The following VPS8 variants were observed in gnomAD, a reference collection of about 807,000 sequenced individuals.
The protein encoded by VPS8 is vacuolar protein sorting-associated protein 8 homolog.
In VPS8, 129 loss-of-function variants were observed where a neutral mutation model predicts 216.4. That is an observed-to-expected ratio of 0.60 (90% CI 0.52 to 0.69). The LOEUF (loss-of-function observed/expected upper bound fraction) is 0.69, where lower values mean the gene tolerates loss of function less well. Ranked by LOEUF, VPS8 falls within the 30% of genes least tolerant of loss-of-function variation. VPS8 has a pLI of 0.00. For synonymous variants in VPS8, 571 were observed against 565.4 expected (o/e 1.01, Z -0.14); for missense variants, 1,531 against 1,683.5 (o/e 0.91, Z 1.59).
intron 45 of VPS8, among the ~76,000 whole-genome samples, chr3:185,011,697 C>A (rs1457598418): frequency 6.6e-6 from 1 of 152,150 alleles, no homozygotes; most frequent in Non-Finnish European, 1.5e-5. Context: ...TGGTTGAGGA[C>A]TAAGGGATTT....
At chr3:185,031,547 G>A (rs1397129894) in intron 46 of VPS8, among the ~76,000 whole-genome samples, 14 of 152,190 alleles carry the variant, frequency 9.2e-5, no homozygotes, top group Admixed American at 9.2e-4. Flanking sequence ...TGAAGAAGCT[G>A]GAGTCTAGTT....
intron 25 of VPS8, among the ~76,000 whole-genome samples, chr3:184,903,619 A>G (rs1734971986): frequency 6.6e-6 from 1 of 151,494 alleles, no homozygotes; most frequent in Admixed American, 6.6e-5. Flanking sequence ...CTGAATTAAA[A>G]AAAAAAATTC....
rs1248878037 is a variant in VPS8, at chr3:184,980,177, G to T, written c.3421-2389G>T. 2.0e-5 allele frequency among the ~76,000 whole-genome samples: 3 copies of T among 151,758 alleles called. No individual in the cohort carries two copies. The East Asian group carries it at 5.8e-4, about 29-fold the overall frequency. ...AAAAGTCCACTGTTTGCCCAATGGG[G>T]TTCCCTTTGTAGGTGACCTGCCCCT... is the stretch of plus-strand genomic sequence containing the variant. On this transcript the variant is annotated intron_variant, in intron 40 of 47. Transcript: ENST00000625842.
intron 42 of VPS8, among the ~76,000 whole-genome samples, chr3:184,988,610 C>T (rs998423698): frequency 1.2e-4 from 19 of 152,142 alleles, no homozygotes; most frequent in Admixed American, 1.2e-3. Context: ...CTTTGCTCTT[C>T]TTCATTATTG....
chr3:185,029,960 T>C (rs1316638414), intron 46 of VPS8, among the ~76,000 whole-genome samples: 1 of 152,242 alleles, frequency 6.6e-6, no homozygotes, highest in African/African-American at 2.4e-5. Context: ...TTGGTATGTA[T>C]TTACTTTATT....
At chr3:185,041,019 A>G (rs968109776) in intron 46 of VPS8, among the ~76,000 whole-genome samples, 1 of 152,192 alleles carries the variant, frequency 6.6e-6, no homozygotes, top group Admixed American at 6.5e-5. Context: ...CCTGGCCAAC[A>G]TGGTGAATCC....
At chr3:184,999,094 G>A (rs1284598659) in intron 44 of VPS8, among the ~76,000 whole-genome samples, 1 of 151,588 alleles carries the variant, frequency 6.6e-6, no homozygotes. Flanking sequence ...TTTTGCTCTT[G>A]TTGCCCAGGC....
At chr3:185,011,113 C>CA (rs11386728) in intron 45 of VPS8, among the ~76,000 whole-genome samples, 125,447 of 144,970 alleles carry the variant, frequency 0.87, 54,915 homozygotes, top group Non-Finnish European at 0.94. Flanking sequence ...ACACAGAGTA[C>CA]AAAAAAAAAA....
rs1291456894 is a variant in VPS8 at position 184,994,035 on chromosome 3, G to C, written c.3638G>C (p.Gly1213Ala). 3 of 1,569,340 alleles carry C rather than the reference G, an allele frequency of 1.9e-6. No individual in the cohort carries two copies. The South Asian group carries it at 3.6e-5, about 19-fold the overall frequency. The change falls in exon 43 of 48, where the codon GGA becomes GCA. Residue 1213 changes from glycine to alanine, a missense_variant. Coordinates refer to ENST00000625842, the MANE Select transcript of VPS8 (RefSeq NM_001009921.3). ...GGAGAAATCCAGGGACTTATCTTGGGAATGTTAGATACCTTTAACTATGAA... is the reference window on the plus strand; with the variant it reads ...GGAGAAATCCAGGGACTTATCTTGGCAATGTTAGATACCTTTAACTATGAA... ...KLGEIQGLILGMLDTFNYEQT... is the reference protein window; with the variant it reads ...KLGEIQGLILAMLDTFNYEQT...
intron 1 of VPS8, among the ~76,000 whole-genome samples, chr3:184,819,926 A>G (rs891891793): frequency 4.6e-5 from 7 of 152,210 alleles, no homozygotes; most frequent in Admixed American, 2.0e-4. Context: ...AAGAGGAAAT[A>G]TACTTGCTTT....
At chr3:184,916,390 A>T (rs1737600200) in intron 28 of VPS8, among the ~76,000 whole-genome samples, 2 of 152,346 alleles carry the variant, frequency 1.3e-5, no homozygotes, top group South Asian at 4.1e-4. Context: ...TGCAAAACAC[A>T]CATATACACA....
intron 37 of VPS8, among the ~76,000 whole-genome samples, chr3:184,962,279 A>G (rs536172123): frequency 2.0e-5 from 3 of 152,316 alleles, no homozygotes; most frequent in East Asian, 3.9e-4. Flanking sequence ...TCTGAATAAT[A>G]TACTTGCAAA....
At chr3:185,018,969 G>C (rs115188238) in intron 45 of VPS8, among the ~76,000 whole-genome samples, 13,492 of 152,182 alleles carry the variant, frequency 0.089, 636 homozygotes, top group African/African-American at 0.094. Flanking sequence ...AAATAATGAG[G>C]GGGTGTAGAA....
chr3:184,960,816 G>A (rs148005721), intron 37 of VPS8, among the ~76,000 whole-genome samples: 23 of 152,258 alleles, frequency 1.5e-4, no homozygotes, highest in Non-Finnish European at 3.1e-4. Context: ...ATGGTAATTC[G>A]TAAGTCAAAG....
chr3:185,000,612 CTT>C (rs11425416), intron 45 of VPS8, among the ~76,000 whole-genome samples: 8 of 141,026 alleles, frequency 5.7e-5, no homozygotes, highest in Admixed American at 7.1e-5. Flanking sequence ...CTTTTCGTTT[CTT>C]TTTTTTTTTT....
intron 34 of VPS8, among the ~76,000 whole-genome samples, chr3:184,933,784 G>A (rs1741129352): frequency 6.6e-6 from 1 of 152,120 alleles, no homozygotes; most frequent in South Asian, 2.1e-4. Context: ...GTATATCAAG[G>A]ATCTATATGT....
At chr3:184,815,793 A>G (rs960527016) in intron 1 of VPS8, 1 of 150,838 alleles carries the variant, frequency 6.6e-6, no homozygotes, top group African/African-American at 2.4e-5. Context: ...GTTCAGCAAG[A>G]CGCTTCCAGT....
chr3:184,859,772 C>A (rs559208774), intron 14 of VPS8, among the ~76,000 whole-genome samples: 21 of 152,240 alleles, frequency 1.4e-4, no homozygotes, highest in African/African-American at 5.1e-4. Context: ...ACTAGACCAC[C>A]CCCAGATATG....
At chr3:184,918,201 C>A (rs1214015222) in intron 28 of VPS8, among the ~76,000 whole-genome samples, 1 of 152,164 alleles carries the variant, frequency 6.6e-6, no homozygotes, top group African/African-American at 2.4e-5. Flanking sequence ...CCACATGTAG[C>A]CCCAAAGCCA....
Sources: allele counts gnomAD v4.1 joint callset (sites outside exome capture counted in the v4.1 genomes callset), GRCh38; gene constraint gnomAD v4.1.1; transcripts MANE v1.5; gene names NCBI Gene and HGNC (gene_info 2026-07-23, HGNC 2026-07-21).